MAP2K3: variants seen among roughly 807,000 people sequenced by gnomAD.
MAP2K3 encodes dual specificity mitogen-activated protein kinase kinase 3.
In MAP2K3, 30 loss-of-function variants were observed where a neutral mutation model predicts 46.4. That is an observed-to-expected ratio of 0.65 (90% CI 0.48 to 0.88). MAP2K3 has a LOEUF of 0.88. Among genes scored for constraint, MAP2K3 ranks in the 40% least tolerant of loss-of-function variants. The pLI, the probability that MAP2K3 is intolerant of heterozygous loss-of-function variation, is 0.00. For missense variants in MAP2K3, 380 were observed against 464.5 expected (o/e 0.82, Z 1.67); for synonymous variants, 189 against 176.3 (o/e 1.07, Z -0.57).
At chr17:21,288,172 C>T in intron 1 of MAP2K3, 1 of 1,105,656 alleles carries the variant, frequency 9.0e-7, no homozygotes, top group South Asian at 1.3e-5. Flanking sequence ...GCGATGCCTG[C>T]CAGCCTGGTG....
intron 10 of MAP2K3, 81 bp from the exon 11 acceptor site, chr17:21,313,411 A>G: frequency 8.3e-7 from 1 of 1,208,522 alleles, no homozygotes. Context: ...GCCTGGGGCA[A>G]TCCTGGGGTG....
chr17:21,298,265 A>T, intron 1 of MAP2K3, 148 bp from the exon 2 acceptor site: 5 of 1,167,144 alleles, frequency 4.3e-6, no homozygotes, highest in Non-Finnish European at 5.2e-6. Context: ...TTGAAGGCCT[A>T]ACGGCCTGGC....
At position 21,298,803 on chromosome 17, in the gene MAP2K3, A is replaced by T. The variant is rs960419831; in HGVS notation, c.117-75A>T. ...ACCTCGTCCCCACGCCAGGCCCCAC[A>T]CTGGCCCATCTACTGCTGCACTTGG... On this transcript the variant is annotated intron_variant, in intron 2 of 11. Transcript: ENST00000342679. The T allele has an allele frequency of 2.6e-5, 42 of 1,608,592 alleles. No homozygotes were observed. In the African/African-American group the frequency reaches 4.8e-4, roughly 18 times the overall value.
intron 1 of MAP2K3, among the ~76,000 whole-genome samples, chr17:21,295,930 G>A (rs932136235): frequency 1.3e-5 from 2 of 152,276 alleles, no homozygotes; most frequent in Admixed American, 1.3e-4. Flanking sequence ...GGGACTCAAG[G>A]GGCTGGGGGC....
At chr17:21,301,995 T>G in intron 5 of MAP2K3, 148 bp from the exon 6 acceptor site, 1 of 717,856 alleles carries the variant, frequency 1.4e-6, no homozygotes, top group Non-Finnish European at 2.3e-6. Context: ...AAGTGGGTGG[T>G]GGGTGGGAGC....
chr17:21,300,241 G>A (rs890456629), intron 3 of MAP2K3, among the ~76,000 whole-genome samples: 9 of 152,394 alleles, frequency 5.9e-5, no homozygotes, highest in East Asian at 3.9e-4. Context: ...GAGTGGGGTC[G>A]GGAAAAGAGG....
rs748270259 is a variant in MAP2K3, at chr17:21,304,566, C to T, written c.696+13C>T. On this transcript the variant is annotated intron_variant, in intron 8 of 11. Transcript: ENST00000342679. ...GCCCTACATGGCCGTGAGTGGTCCC[C>T]AAGCCCCCCAGGCTCAGGAGAGGAT... The T allele has an allele frequency of 5.6e-6, 9 of 1,614,262 alleles. No homozygotes were observed. Among genetic ancestry groups the T allele is most frequent in the Non-Finnish European group, 7.6e-6 (9 of 1,180,038 alleles).
intron 1 of MAP2K3, among the ~76,000 whole-genome samples, chr17:21,294,777 G>A (rs966747361): frequency 6.6e-6 from 1 of 152,312 alleles, no homozygotes; most frequent in Non-Finnish European, 1.5e-5. Flanking sequence ...CACGCGCCAG[G>A]CACTGCTATG....
intron 1 of MAP2K3, chr17:21,296,043 T>C: frequency 2.3e-6 from 3 of 1,288,322 alleles, no homozygotes; most frequent in Non-Finnish European, 3.0e-6. Context: ...AAGCTACCTA[T>C]AATTCTCATT....
chr17:21,296,456 C>T (rs745829843), intron 1 of MAP2K3, among the ~76,000 whole-genome samples: 13 of 152,426 alleles, frequency 8.5e-5, no homozygotes, highest in Non-Finnish European at 1.5e-4. Context: ...ACTCTGTTGC[C>T]GTTTCTTGTT....
intron 9 of MAP2K3, among the ~76,000 whole-genome samples, chr17:21,308,423 C>T (rs1182093302): frequency 4.6e-5 from 7 of 152,310 alleles, no homozygotes; most frequent in Admixed American, 2.0e-4. Context: ...GTTGGGATTA[C>T]AGGCGTGAAC....
chr17:21,306,874 C>T (rs1976913220), intron 9 of MAP2K3, among the ~76,000 whole-genome samples: 1 of 152,312 alleles, frequency 6.6e-6, no homozygotes, highest in African/African-American at 2.4e-5. Context: ...CAGCCTTGAA[C>T]TCCCAGGCTC....
At chr17:21,290,380 G>A (rs893763603) in intron 1 of MAP2K3, among the ~76,000 whole-genome samples, 6 of 18,254 alleles carry the variant, frequency 3.3e-4, no homozygotes, top group South Asian at 1.4e-3. Context: ...TCAACCCATA[G>A]CCTCCTGCCG....
At chr17:21,307,386 G>T (rs1976942882) in intron 9 of MAP2K3, among the ~76,000 whole-genome samples, 1 of 152,278 alleles carries the variant, frequency 6.6e-6, no homozygotes, top group Admixed American at 6.5e-5. Flanking sequence ...GCAGGTAGGG[G>T]TGGCTCTGGG....
Position 21,303,231 on chromosome 17 carries a change from A to G in MAP2K3, c.565A>G (p.Arg189Gly). The change falls in exon 7 of 12, where the codon AGA (arginine) becomes GGA (glycine). Residue 189 changes from arginine (R) to glycine (G), a missense_variant. Physicochemically the swap from Arg to Gly is moderately radical, Grantham distance 125. This residue lies in a region of MAP2K3 where 294 missense variants were observed against 275.4 expected (regional missense o/e 1.07). Transcript: ENST00000342679. ...GCACAGCAAGCTGTCGGTGATCCAC[A>G]GAGGTCAGTGCCCGGCAGCCACCCA... ...HLHSKLSVIH[R>G]DVKPSNVLIN... The G allele has an allele frequency of 6.2e-7, 1 of 1,614,146 alleles. No individual in the cohort carries two copies. The highest frequency in any genetic ancestry group is 1.1e-5 in the South Asian group (1 of 91,090).
At chr17:21,302,389 C>G in intron 6 of MAP2K3, 130 bp downstream of exon 6, 1 of 1,001,578 alleles carries the variant, frequency 1.0e-6, no homozygotes, top group Non-Finnish European at 1.5e-6. Flanking sequence ...CCCCCTGAAC[C>G]TGGGCAGCTG....
At chr17:21,291,645 C>T (rs563737215) in intron 1 of MAP2K3, 18 of 453,862 alleles carry the variant, frequency 4.0e-5, no homozygotes, top group Non-Finnish European at 6.2e-5. Context: ...TGGGGCCTGC[C>T]CCACAGTGTG....
At chr17:21,307,067 C>T (rs1035322000) in intron 9 of MAP2K3, among the ~76,000 whole-genome samples, 1 of 152,306 alleles carries the variant, frequency 6.6e-6, no homozygotes, top group African/African-American at 2.4e-5. Context: ...ATTATAGGCA[C>T]AAGCTACTGC....
chr17:21,294,993 C>T (rs1439683108), intron 1 of MAP2K3, among the ~76,000 whole-genome samples: 1 of 152,308 alleles, frequency 6.6e-6, no homozygotes, highest in Non-Finnish European at 1.5e-5. Context: ...ACCTGTGGGA[C>T]TCCACAGCAG....
Sources: allele counts gnomAD v4.1 joint callset (sites outside exome capture counted in the v4.1 genomes callset), GRCh38; gene constraint gnomAD v4.1.1; regional missense constraint gnomAD v4.1.1; transcripts MANE v1.5; gene names NCBI Gene and HGNC (gene_info 2026-07-23, HGNC 2026-07-21).